NXPE4: variants seen among roughly 807,000 people sequenced by gnomAD.
The protein encoded by NXPE4 is NXPE family member 4.
A neutral mutation model predicts 33.3 loss-of-function variants in NXPE4; 42 were observed. The ratio of observed to expected loss-of-function variants is 1.26; its 90% CI spans 0.98 to 1.63. The LOEUF (loss-of-function observed/expected upper bound fraction) is 1.63, where lower values mean the gene tolerates loss of function less well. NXPE4 is among the 40% of genes most tolerant of loss of function. The pLI is 0.00. For missense variants in NXPE4, 709 were observed against 647.6 expected (o/e 1.09, Z -1.03); for synonymous variants, 253 against 234.9 (o/e 1.08, Z -0.71).
chr11:114,647,855 C>G, the NXPE4 span, among the ~76,000 whole-genome samples: 1 of 152,042 alleles, frequency 6.6e-6, no homozygotes, highest in African/African-American at 2.4e-5. Flanking sequence ...GTGCCTGCCA[C>G]TGTGCATGGC....
At chr11:114,608,702 C>T in the NXPE4 span, among the ~76,000 whole-genome samples, 3 of 151,750 alleles carry the variant, frequency 2.0e-5, no homozygotes, top group Admixed American at 6.6e-5. Context: ...ACCACTGTAA[C>T]CAGGTGGATA....
At chr11:114,607,231 C>A in the NXPE4 span, among the ~76,000 whole-genome samples, 1 of 151,686 alleles carries the variant, frequency 6.6e-6, no homozygotes, top group Middle Eastern at 3.2e-3. Flanking sequence ...TCGTGTGTAA[C>A]CACTGTTACC....
intron 5 of NXPE4, among the ~76,000 whole-genome samples, chr11:114,579,357 G>T (rs1043345250): frequency 6.6e-6 from 1 of 152,204 alleles, no homozygotes; most frequent in Non-Finnish European, 1.5e-5. Flanking sequence ...GTTTCAACAT[G>T]AGATTTGGAG....
rs370201249 is a variant in NXPE4, at chr11:114,577,045, T to TTA, written c.1099+3085_1099+3086dup. Among the ~76,000 whole-genome samples, 189 of 25,806 alleles carry TTA rather than the reference T, an allele frequency of 7.3e-3. 3 individuals carry two copies. Among genetic ancestry groups the TTA allele is most frequent in the African/African-American group, 0.02 (106 of 5,306 alleles). 16.9% of individuals were successfully genotyped at this position (25,806 alleles called of 152,430 possible). The stretch of plus-strand genomic sequence containing the variant: ...TATATATACATATATATATATAAAG[T>TTA]TATATATATATACATATATATATAT... On this transcript the variant is annotated intron_variant, in intron 5 of 5. Transcript: ENST00000375478.
chr11:114,620,350 A>T, the NXPE4 span, among the ~76,000 whole-genome samples: 3 of 151,150 alleles, frequency 2.0e-5, no homozygotes, highest in Admixed American at 2.0e-4. Context: ...ACTGGTAACC[A>T]CTGTTACCGG....
chr11:114,660,625 G>A, the NXPE4 span, among the ~76,000 whole-genome samples: 1 of 151,908 alleles, frequency 6.6e-6, no homozygotes, highest in Non-Finnish European at 1.5e-5. Flanking sequence ...ACTCGATAAA[G>A]GCATTTAGGA....
intron 2 of NXPE4, among the ~76,000 whole-genome samples, chr11:114,589,106 C>T (rs1426941661): frequency 6.6e-6 from 1 of 152,086 alleles, no homozygotes; most frequent in African/African-American, 2.4e-5. Flanking sequence ...TGTGGGAAGT[C>T]AGAGGACTTT....
At chr11:114,580,042 A>G in intron 5 of NXPE4, 90 bp downstream of exon 5, 4 of 1,129,768 alleles carry the variant, frequency 3.5e-6, no homozygotes, top group Non-Finnish European at 5.3e-6. Flanking sequence ...ATATGAAAAA[A>G]AGAGGAATTT....
the NXPE4 span, among the ~76,000 whole-genome samples, chr11:114,622,468 T>C: frequency 6.6e-6 from 1 of 152,072 alleles, no homozygotes; most frequent in Non-Finnish European, 1.5e-5. Flanking sequence ...GGACAATAAG[T>C]ATTGCCTCAT....
At chr11:114,590,717 A>G (rs972075722) in intron 2 of NXPE4, among the ~76,000 whole-genome samples, 1 of 152,178 alleles carries the variant, frequency 6.6e-6, no homozygotes, top group Non-Finnish European at 1.5e-5. Context: ...CCTGAGTAAG[A>G]AACTTGATTT....
At chr11:114,622,477 A>G in the NXPE4 span, among the ~76,000 whole-genome samples, 2 of 151,870 alleles carry the variant, frequency 1.3e-5, no homozygotes, top group African/African-American at 4.8e-5. Flanking sequence ...GTATTGCCTC[A>G]TGGATAACCA....
chr11:114,609,320 C>A, the NXPE4 span, among the ~76,000 whole-genome samples: 2 of 151,492 alleles, frequency 1.3e-5, no homozygotes, highest in African/African-American at 2.4e-5. Flanking sequence ...TCGTGGGTAA[C>A]CACGGTTACC....
At chr11:114,647,619 G>A in the NXPE4 span, among the ~76,000 whole-genome samples, 7 of 151,770 alleles carry the variant, frequency 4.6e-5, no homozygotes, top group Admixed American at 2.0e-4. Context: ...CTCTCTTTCA[G>A]CTTCTGGATT....
the NXPE4 span, among the ~76,000 whole-genome samples, chr11:114,675,780 G>A: frequency 1.2e-4 from 18 of 151,644 alleles, no homozygotes; most frequent in African/African-American, 2.4e-4. Context: ...ACAAAAGACC[G>A]CAAATAGCCA....
At chr11:114,613,542 C>T in the NXPE4 span, among the ~76,000 whole-genome samples, 10 of 151,786 alleles carry the variant, frequency 6.6e-5, no homozygotes, top group East Asian at 1.8e-3. Flanking sequence ...TCACTGTTAC[C>T]TGCTGCACAA....
the NXPE4 span, among the ~76,000 whole-genome samples, chr11:114,620,215 T>C: frequency 2.0e-5 from 3 of 152,032 alleles, no homozygotes; most frequent in Non-Finnish European, 2.9e-5. Context: ...TTTTGCCTGA[T>C]GGGTAACCAC....
At chr11:114,612,675 T>C in the NXPE4 span, among the ~76,000 whole-genome samples, 3 of 151,372 alleles carry the variant, frequency 2.0e-5, no homozygotes, top group African/African-American at 7.3e-5. Context: ...ATAATACGTG[T>C]TGTCTCATGG....
At chr11:114,614,694 C>A in the NXPE4 span, among the ~76,000 whole-genome samples, 2 of 151,700 alleles carry the variant, frequency 1.3e-5, no homozygotes, top group Admixed American at 6.6e-5. Flanking sequence ...TCGTGGGTAA[C>A]CACTGTTACC....
chr11:114,623,120 C>T, the NXPE4 span, among the ~76,000 whole-genome samples: 1 of 152,096 alleles, frequency 6.6e-6, no homozygotes, highest in East Asian at 1.9e-4. Flanking sequence ...AGCACTGTTA[C>T]CCGGTGGATA....
Sources: gnomAD v4.1 joint callset for allele counts (sites outside exome capture counted in the v4.1 genomes callset) on GRCh38, gnomAD v4.1.1 for gene constraint, MANE v1.5 for transcripts, NCBI Gene and HGNC (gene_info 2026-07-23, HGNC 2026-07-21) for gene names.